Variants in CEP89 observed in about 807,000 individuals in gnomAD.
CEP89 encodes centrosomal protein of 89 kDa.
A neutral mutation model predicts 97.6 loss-of-function variants in CEP89; 95 were observed. The observed-to-expected ratio is 0.97, with a 90% confidence interval of 0.82 to 1.15. CEP89 has a LOEUF of 1.15. CEP89 is among the 50% of genes most tolerant of loss of function. CEP89 has a pLI of 0.00. For synonymous variants in CEP89, 354 were observed against 349.1 expected, an observed-to-expected ratio of 1.01 and a Z score of -0.16; for missense variants, 869 against 947.7, an observed-to-expected ratio of 0.92 and a Z score of 1.09.
chr19:32,896,562 T>A (rs1291675834), intron 16 of CEP89, among the ~76,000 whole-genome samples: 1 of 151,854 alleles, frequency 6.6e-6, no homozygotes, highest in Non-Finnish European at 1.5e-5. Flanking sequence ...TAGACAAAAA[T>A]TTCATGGCTA....
intron 16 of CEP89, among the ~76,000 whole-genome samples, chr19:32,896,806 T>TA (rs1409256565): frequency 6.6e-6 from 1 of 151,252 alleles, no homozygotes; most frequent in Non-Finnish European, 1.5e-5. Context: ...ACACAACTCT[T>TA]AATAGCAAAC....
chr19:32,922,847 CAAA>C (rs11299527), intron 12 of CEP89, among the ~76,000 whole-genome samples: 3 of 144,268 alleles, frequency 2.1e-5, no homozygotes, highest in Admixed American at 6.9e-5. Context: ...GACTCTGTCT[CAAA>C]AAAAAAAAAA....
chr19:32,917,996 G>A (rs1391267983), intron 13 of CEP89, among the ~76,000 whole-genome samples: 1 of 152,156 alleles, frequency 6.6e-6, no homozygotes, highest in East Asian at 1.9e-4. Flanking sequence ...TTACCTACGA[G>A]TGATTTACAA....
At chr19:32,917,145 G>T (rs1003275948) in intron 13 of CEP89, among the ~76,000 whole-genome samples, 2 of 152,174 alleles carry the variant, frequency 1.3e-5, no homozygotes, top group African/African-American at 4.8e-5. Context: ...TCCTCTTTCT[G>T]TTCAGATCTG....
intron 2 of CEP89, chr19:32,963,914 A>G (rs202100128): frequency 2.1e-5 from 3 of 140,698 alleles, no homozygotes; most frequent in Admixed American, 1.4e-4. Context: ...ACACACACAC[A>G]CACACGCACT....
intron 7 of CEP89, among the ~76,000 whole-genome samples, chr19:32,934,490 C>T (rs1211363496): frequency 2.6e-5 from 4 of 152,180 alleles, no homozygotes; most frequent in Admixed American, 6.5e-5. Flanking sequence ...CCCTGGCCAG[C>T]GCACCTCCCA....
At chr19:32,917,494 A>G (rs1280701130) in intron 13 of CEP89, among the ~76,000 whole-genome samples, 3 of 152,202 alleles carry the variant, frequency 2.0e-5, no homozygotes, top group African/African-American at 7.2e-5. Context: ...GAAAACCTCC[A>G]TCTGCTTCTC....
chr19:32,939,053 C>T (rs1408471833), intron 6 of CEP89, among the ~76,000 whole-genome samples: 7 of 151,720 alleles, frequency 4.6e-5, no homozygotes, highest in Non-Finnish European at 1.0e-4. Flanking sequence ...TTGAGACCAT[C>T]CTGGGCAACA....
At position 32,899,877 on chromosome 19, in the gene CEP89, G is replaced by C. The variant is rs773793137; in HGVS notation, c.1855C>G (p.Arg619Gly). 3.7e-6 allele frequency: 6 copies of C among 1,613,676 alleles called. No individual in the cohort carries two copies. The highest frequency in any genetic ancestry group is 5.1e-6 in the Non-Finnish European group (6 of 1,179,800). Residue 619 changes from arginine to glycine, a missense_variant, in exon 16 of 19, where the codon CGT (arginine) becomes GGT (glycine). Arg to Gly is a moderately radical substitution (Grantham distance 125, BLOSUM62 -2). Coordinates refer to ENST00000305768, the MANE Select transcript of CEP89 (RefSeq NM_032816.5). ...VGLAENITQE[R>G]DSLMCLAKCL... ...CTTACCAAACACATAAGACTGTCAC[G>C]TTCCTGGGTTATGTTTTCTGCCAGG... is the stretch of plus-strand genomic sequence containing the variant.
At position 32,887,859 on chromosome 19, in the gene CEP89, A is replaced by G; in HGVS notation, c.1876-18T>C. 8.7e-6 allele frequency: 12 copies of G among 1,380,300 alleles called. No individual in the cohort carries two copies. Among genetic ancestry groups the G allele is most frequent in the Non-Finnish European group, 1.2e-5 (12 of 973,694 alleles). 85.5% of individuals were successfully genotyped at this position (1,380,300 alleles called of 1,614,324 possible). On this transcript the variant is annotated intron_variant, in intron 16 of 18. Coordinates refer to ENST00000305768, the MANE Select transcript of CEP89 (RefSeq NM_032816.5). ...CATTTTGCCTAGGGAGAAGGGTGAT[A>G]AATGGGCTCTCAGTTTTACAGAAAA...
chr19:32,934,020 A>G (rs1015340412), intron 7 of CEP89, among the ~76,000 whole-genome samples: 1 of 152,244 alleles, frequency 6.6e-6, no homozygotes, highest in Admixed American at 6.5e-5. Context: ...CCCTCAGGCC[A>G]GCAGGGAAGA....
At chr19:32,937,499 T>G in intron 7 of CEP89, 132 bp downstream of exon 7, 1 of 774,722 alleles carries the variant, frequency 1.3e-6, no homozygotes, top group Non-Finnish European at 2.2e-6. Flanking sequence ...GACCCTCTCT[T>G]TTGAGGCAAG....
intron 17 of CEP89, among the ~76,000 whole-genome samples, chr19:32,884,393 T>C (rs995048153): frequency 6.6e-6 from 1 of 152,180 alleles, no homozygotes. Flanking sequence ...ATCCAAAAAA[T>C]ATTGTTTTCC....
At chr19:32,951,250 A>G (rs986789873) in intron 4 of CEP89, among the ~76,000 whole-genome samples, 1 of 152,142 alleles carries the variant, frequency 6.6e-6, no homozygotes, top group Non-Finnish European at 1.5e-5. Context: ...AGTAATCCCA[A>G]CACTTTGGGA....
rs189845046 is a variant in CEP89 at position 32,920,956 on chromosome 19, G to A, written c.1268+2483C>T. ...TGCTGGGCCAGGTGCGGTGGCTCAC[G>A]CCTGTAATCCCAGCACTTTGGGAGG... On this transcript the variant is annotated intron_variant, in intron 12 of 18. Transcript: ENST00000305768. Among the ~76,000 whole-genome samples, 215 of 151,756 alleles carry A rather than the reference G, an allele frequency of 1.4e-3. 1 individual carries two copies. Among genetic ancestry groups the A allele is most frequent in the African/African-American group, 4.9e-3 (205 of 41,456 alleles).
At chr19:32,930,174 C>T (rs1970442751) in intron 9 of CEP89, among the ~76,000 whole-genome samples, 1 of 151,834 alleles carries the variant, frequency 6.6e-6, no homozygotes. Context: ...TACAGGTGCG[C>T]ACGACCATGC....
intron 12 of CEP89, among the ~76,000 whole-genome samples, chr19:32,919,137 G>A (rs192559371): frequency 1.3e-3 from 202 of 151,932 alleles, no homozygotes; most frequent in Admixed American, 2.3e-3. Context: ...TGCCCGCCTC[G>A]GCCTCCCAAA....
chr19:32,952,771 G>T (rs1970949484), intron 4 of CEP89, among the ~76,000 whole-genome samples: 1 of 149,382 alleles, frequency 6.7e-6, no homozygotes, highest in South Asian at 2.1e-4. Flanking sequence ...AGGCATGGTG[G>T]TGTGTGTCTG....
chr19:32,926,707 A>G (rs1009692537), intron 10 of CEP89, among the ~76,000 whole-genome samples: 1 of 152,158 alleles, frequency 6.6e-6, no homozygotes, highest in African/African-American at 2.4e-5. Context: ...GACTATAGGC[A>G]TGCACCATCA....
Sources: gnomAD v4.1 joint callset for allele counts (sites outside exome capture counted in the v4.1 genomes callset) on GRCh38, gnomAD v4.1.1 for gene constraint, MANE v1.5 for transcripts, NCBI Gene and HGNC (gene_info 2026-07-23, HGNC 2026-07-21) for gene names.